The following PTPN4 variants were observed in gnomAD, a reference collection of about 807,000 sequenced individuals.
PTPN4 encodes the protein protein tyrosine phosphatase non-receptor type 4.
In PTPN4, 49 loss-of-function variants were observed where a neutral mutation model predicts 135.5. The ratio of observed to expected loss-of-function variants is 0.36; its 90% confidence interval spans 0.29 to 0.46. The LOEUF is 0.46. Ranked by LOEUF, PTPN4 falls within the 20% of genes least tolerant of loss-of-function variation. The pLI, the probability that PTPN4 is intolerant of heterozygous loss-of-function variation, is 1.00. For missense variants in PTPN4, 860 were observed against 1,101.0 expected (o/e 0.78, Z 3.10); for synonymous variants, 333 against 369.9 (o/e 0.90, Z 1.14).
intron 10 of PTPN4, among the ~76,000 whole-genome samples, chr2:119,903,396 C>T (rs576651376): frequency 2.7e-4 from 41 of 151,998 alleles, no homozygotes; most frequent in Non-Finnish European, 5.4e-4. Flanking sequence ...GCTGCTGGCA[C>T]CTGTATATGT....
intron 3 of PTPN4, among the ~76,000 whole-genome samples, chr2:119,865,072 C>G (rs1446421317): frequency 6.6e-6 from 1 of 152,136 alleles, no homozygotes; most frequent in African/African-American, 2.4e-5. Flanking sequence ...GTCTTGTCCA[C>G]TGCACTGCAG....
intron 1 of PTPN4, among the ~76,000 whole-genome samples, chr2:119,765,440 C>G (rs1690597335): frequency 6.6e-6 from 1 of 152,158 alleles, no homozygotes; most frequent in Non-Finnish European, 1.5e-5. Flanking sequence ...AGATCTCTCT[C>G]TTACAGAAGT....
chr2:119,791,905 C>T (rs1406209482), intron 1 of PTPN4, among the ~76,000 whole-genome samples: 2 of 152,102 alleles, frequency 1.3e-5, no homozygotes, highest in Admixed American at 6.5e-5. Flanking sequence ...CTATCTTTCT[C>T]GGACTTTTAT....
intron 10 of PTPN4, among the ~76,000 whole-genome samples, chr2:119,914,805 A>T (rs973811769): frequency 9.9e-5 from 15 of 152,176 alleles, no homozygotes; most frequent in Non-Finnish European, 2.9e-5. Context: ...GTAAATTTTT[A>T]AAATTTAATG....
At chr2:119,812,940 G>C (rs1210567265) in intron 2 of PTPN4, among the ~76,000 whole-genome samples, 1 of 152,134 alleles carries the variant, frequency 6.6e-6, no homozygotes, top group African/African-American at 2.4e-5. Flanking sequence ...GGAAGGGCTG[G>C]GAGGACCAGC....
At chr2:119,934,777 A>C (rs1423650939) in intron 14 of PTPN4, 23 bp from the exon 15 acceptor site, 10 of 1,607,862 alleles carry the variant, frequency 6.2e-6, no homozygotes, top group Non-Finnish European at 8.5e-6. Context: ...ATTTTTATTC[A>C]GTTTTTCTCC....
intron 12 of PTPN4, among the ~76,000 whole-genome samples, chr2:119,924,301 G>A (rs1678783647): frequency 6.6e-6 from 1 of 151,270 alleles, no homozygotes; most frequent in Non-Finnish European, 1.5e-5. Context: ...TATTTCACTG[G>A]AAACCAGTTT....
intron 15 of PTPN4, among the ~76,000 whole-genome samples, chr2:119,935,761 A>G (rs964221968): frequency 6.6e-6 from 1 of 152,308 alleles, no homozygotes; most frequent in Non-Finnish European, 1.5e-5. Context: ...TAATAATTAT[A>G]TATGTTCTAA....
chr2:119,775,304 C>T (rs543929930), intron 1 of PTPN4, among the ~76,000 whole-genome samples: 169 of 152,168 alleles, frequency 1.1e-3, no homozygotes, highest in African/African-American at 3.8e-3. Context: ...AGCTGCCAGT[C>T]TATTGGTCAT....
chr2:119,859,912 C>T (rs949530), intron 2 of PTPN4, among the ~76,000 whole-genome samples: 41,785 of 152,048 alleles, frequency 0.27, 7,160 homozygotes, highest in East Asian at 0.48. Flanking sequence ...TGTCCTACCA[C>T]GTACCCTTAT....
chr2:119,907,352 C>T (rs112244037), intron 10 of PTPN4, among the ~76,000 whole-genome samples: 1 of 152,242 alleles, frequency 6.6e-6, no homozygotes, highest in African/African-American at 2.4e-5. Flanking sequence ...GTAATCCTAG[C>T]GTTTTTGGAG....
At position 119,976,919 on chromosome 2, in the gene PTPN4, G is replaced by T. The variant is rs1217559664; in HGVS notation, c.2695-65G>T. The T allele has an allele frequency of 2.6e-6, 4 of 1,546,648 alleles. No homozygotes were observed. In the African/African-American group the frequency reaches 4.2e-5, roughly 16 times the overall value. The stretch of plus-strand genomic sequence containing the variant: ...GCCAAGTGAGATGTTTGTCTTTTTT[G>T]GGGGGAGAGGGGACGGTTTTCTGAC... On this transcript the variant is annotated intron_variant, in intron 26 of 26. Transcript: ENST00000263708.
chr2:119,880,937 T>C lies in PTPN4; in HGVS notation c.369-849T>C, dbSNP rs530730076. ...ACTTAATCAGCCAAACTAGAATTTC[T>C]AATGACTTTTGACTCTTGGAATATG... On this transcript the variant is annotated intron_variant, in intron 5 of 26. Transcript: ENST00000263708. 4.1e-4 allele frequency among the ~76,000 whole-genome samples: 62 copies of C among 152,314 alleles called. 2 individuals are homozygous for C. In the South Asian group the frequency reaches 0.012, roughly 31 times the overall value.
chr2:119,915,128 A>C (rs1678632388), intron 10 of PTPN4, 51 bp from the exon 11 acceptor site: 2 of 1,386,508 alleles, frequency 1.4e-6, no homozygotes. Flanking sequence ...TAATTTGTTA[A>C]TATTTTTATC....
intron 15 of PTPN4, among the ~76,000 whole-genome samples, chr2:119,937,189 T>C (rs1290874977): frequency 6.6e-6 from 1 of 152,248 alleles, no homozygotes; most frequent in Non-Finnish European, 1.5e-5. Context: ...TAGATGTTTT[T>C]TGATTTGCAA....
intron 10 of PTPN4, among the ~76,000 whole-genome samples, chr2:119,909,699 T>C (rs1255340816): frequency 6.6e-6 from 1 of 152,124 alleles, no homozygotes; most frequent in Non-Finnish European, 1.5e-5. Context: ...TTGGAAAGGA[T>C]TTACCATTCT....
chr2:119,894,492 A>G (rs1280853064), intron 9 of PTPN4, among the ~76,000 whole-genome samples: 1 of 152,196 alleles, frequency 6.6e-6, no homozygotes, highest in Non-Finnish European at 1.5e-5. Flanking sequence ...TTTTCACTGA[A>G]TAATTTGTTT....
At chr2:119,905,055 A>C (rs1678466885) in intron 10 of PTPN4, among the ~76,000 whole-genome samples, 1 of 151,754 alleles carries the variant, frequency 6.6e-6, no homozygotes, top group Admixed American at 6.6e-5. Flanking sequence ...AAAAACAAAT[A>C]ATCAAGGGAA....
At chr2:119,773,276 G>A (rs567412669) in intron 1 of PTPN4, among the ~76,000 whole-genome samples, 2 of 152,074 alleles carry the variant, frequency 1.3e-5, no homozygotes, top group East Asian at 3.9e-4. Context: ...AGTTGAAAAC[G>A]CACATACAGC....
Sources: allele counts gnomAD v4.1 joint callset (sites outside exome capture counted in the v4.1 genomes callset), GRCh38; gene constraint gnomAD v4.1.1; transcripts MANE v1.5; gene names NCBI Gene and HGNC (gene_info 2026-07-23, HGNC 2026-07-21).